CXCL13: variants seen among roughly 807,000 people sequenced by gnomAD.
CXCL13 encodes C-X-C motif chemokine ligand 13.
Under a neutral mutation model 12.2 loss-of-function variants are expected in CXCL13, and 7 were observed. The ratio of observed to expected loss-of-function variants is 0.57; its 90% confidence interval spans 0.33 to 1.07. The LOEUF is 1.07. Among genes scored for constraint, CXCL13 ranks in the 50% least tolerant of loss-of-function variants. CXCL13 has a pLI of 0.04. For synonymous variants in CXCL13, 47 were observed against 42.4 expected (o/e 1.11, Z -0.42); for missense variants, 113 against 127.4 (o/e 0.89, Z 0.55).
At chr4:77,554,837 AT>A (rs1427426266) in intron 1 of CXCL13, among the ~76,000 whole-genome samples, 5 of 152,122 alleles carry the variant, frequency 3.3e-5, no homozygotes, top group African/African-American at 9.6e-5. Context: ...ATCATGTATT[AT>A]AGATCATATC....
At chr4:77,609,438 G>A (rs1016164092) in intron 2 of CXCL13, among the ~76,000 whole-genome samples, 4 of 151,568 alleles carry the variant, frequency 2.6e-5, no homozygotes, top group South Asian at 2.1e-4. Context: ...TCAGCCTCCC[G>A]AGTAGCTGGG....
intron 1 of CXCL13, among the ~76,000 whole-genome samples, chr4:77,568,515 T>C (rs1725988710): frequency 6.6e-6 from 1 of 152,240 alleles, no homozygotes; most frequent in South Asian, 2.1e-4. Flanking sequence ...TCTTTTGCTA[T>C]TTGGGCAATT....
chr4:77,570,759 C>T (rs1000388260), intron 1 of CXCL13, among the ~76,000 whole-genome samples: 3 of 149,440 alleles, frequency 2.0e-5, no homozygotes, highest in South Asian at 4.1e-4. Flanking sequence ...ATAGTCAGAG[C>T]GGTCGGCCGG....
At chr4:77,512,299 C>CAGG (rs1724296258) in intron 1 of CXCL13, among the ~76,000 whole-genome samples, 1 of 152,148 alleles carries the variant, frequency 6.6e-6, no homozygotes, top group Non-Finnish European at 1.5e-5. Flanking sequence ...TTATAGAAGT[C>CAGG]AGGAAATGCA....
At chr4:77,588,158 T>C (rs1000548672) in intron 1 of CXCL13, among the ~76,000 whole-genome samples, 1 of 152,204 alleles carries the variant, frequency 6.6e-6, no homozygotes, top group African/African-American at 2.4e-5. Flanking sequence ...GCCTCTTTCA[T>C]TAAATATTAT....
In CXCL13 at chr4:77,611,666, T is replaced by A; in HGVS notation, c.*627T>A. On this transcript the variant is annotated 3_prime_UTR_variant, in exon 4 of 4. Coordinates refer to ENST00000682537, the MANE Select transcript of CXCL13 (RefSeq NM_001371558.1). ...CAGGGAAAGCATTTAAAGGGTGATG[T>A]ACACATGTATCCTTTCACACATTTG... The A allele has an allele frequency of 2.5e-6, 1 of 398,548 alleles. No homozygotes were observed. The allele number at this position is 398,548 out of a possible 1,614,324, so 24.7% of individuals were successfully genotyped here. A position where few individuals can be genotyped will look rare whatever the true frequency, so the allele number is the denominator to read the frequency against.
intron 1 of CXCL13, among the ~76,000 whole-genome samples, chr4:77,587,865 G>A (rs1230549871): frequency 2.0e-5 from 3 of 152,166 alleles, no homozygotes; most frequent in Non-Finnish European, 1.5e-5. Context: ...AGGGAATGGC[G>A]GCCATGGGGG....
At chr4:77,528,872 G>A (rs1232858575) in intron 1 of CXCL13, among the ~76,000 whole-genome samples, 1 of 152,168 alleles carries the variant, frequency 6.6e-6, no homozygotes, top group Non-Finnish European at 1.5e-5. Flanking sequence ...GTCCTAAATG[G>A]TATTGCCTAG....
intron 1 of CXCL13, among the ~76,000 whole-genome samples, chr4:77,524,341 G>A (rs1020477053): frequency 5.9e-5 from 9 of 152,196 alleles, no homozygotes; most frequent in Admixed American, 4.6e-4. Flanking sequence ...TACAGAGGTG[G>A]AGTCTATAGA....
Position 77,611,572 on chromosome 4 carries a change from G to C in CXCL13, c.*533G>C, listed in dbSNP as rs1009824231. 3 of 397,632 alleles carry C rather than the reference G, an allele frequency of 7.5e-6. No homozygotes were observed. The highest frequency in any genetic ancestry group is 8.9e-6 in the Non-Finnish European group (2 of 225,920). The allele number at this position is 397,632 out of a possible 1,614,324, so 24.6% of individuals were successfully genotyped here. A position where few individuals can be genotyped will look rare whatever the true frequency, so the allele number is the denominator to read the frequency against. On this transcript the variant is annotated 3_prime_UTR_variant, in exon 4 of 4. Transcript: ENST00000682537. Reference sequence around the variant, plus strand: ...AGGAGAATTAAGTCCTACTTTTAAAGAATTTCTTTATAAAATTTACTGTCT... The same window carrying C: ...AGGAGAATTAAGTCCTACTTTTAAACAATTTCTTTATAAAATTTACTGTCT...
chr4:77,611,229 A>G lies in CXCL13; in HGVS notation c.*190A>G. The G allele has an allele frequency of 2.1e-6, 1 of 474,130 alleles. No individual in the cohort carries two copies. Among genetic ancestry groups the G allele is most frequent in the East Asian group, 3.1e-5 (1 of 32,330 alleles). The allele number at this position is 474,130 out of a possible 1,614,324, so 29.4% of individuals were successfully genotyped here. The stretch of plus-strand genomic sequence containing the variant: ...CTTCTTCACTCACAGCACCCTATAT[A>G]CACTTGGAGTTTGCATTCTTATTCA... On this transcript the variant is annotated 3_prime_UTR_variant, in exon 4 of 4. Coordinates refer to ENST00000682537, the MANE Select transcript of CXCL13 (RefSeq NM_001371558.1).
At chr4:77,593,128 G>A (rs1376314285) in intron 1 of CXCL13, among the ~76,000 whole-genome samples, 4 of 151,920 alleles carry the variant, frequency 2.6e-5, no homozygotes, top group Admixed American at 1.3e-4. Context: ...TTCCCTCATC[G>A]ATTCTTCCCA....
At chr4:77,525,632 A>T (rs559887398) in intron 1 of CXCL13, among the ~76,000 whole-genome samples, 7 of 152,294 alleles carry the variant, frequency 4.6e-5, no homozygotes, top group African/African-American at 1.7e-4. Context: ...TTTTAAGAAA[A>T]GTGAACACAG....
At chr4:77,549,078 C>A (rs1204943892) in intron 1 of CXCL13, among the ~76,000 whole-genome samples, 1 of 152,176 alleles carries the variant, frequency 6.6e-6, no homozygotes, top group Non-Finnish European at 1.5e-5. Flanking sequence ...CACTTCATTT[C>A]ATACATTTGA....
intron 1 of CXCL13, among the ~76,000 whole-genome samples, chr4:77,551,286 C>T (rs1326057649): frequency 6.6e-6 from 1 of 150,784 alleles, no homozygotes; most frequent in African/African-American, 2.4e-5. Flanking sequence ...TTTAAAATTC[C>T]TTTGAGGCTC....
intron 1 of CXCL13, among the ~76,000 whole-genome samples, chr4:77,518,017 T>C (rs1375203460): frequency 6.6e-6 from 1 of 151,404 alleles, no homozygotes; most frequent in Admixed American, 6.5e-5. Flanking sequence ...TGACATTTGC[T>C]TGTCTGTAAA....
chr4:77,536,961 G>A (rs1055938726), intron 1 of CXCL13, among the ~76,000 whole-genome samples: 3 of 152,138 alleles, frequency 2.0e-5, no homozygotes, highest in African/African-American at 4.8e-5. Flanking sequence ...TATCTTTGAA[G>A]TAGGTCTATT....
At chr4:77,587,002 G>A (rs938980628) in intron 1 of CXCL13, among the ~76,000 whole-genome samples, 4 of 152,206 alleles carry the variant, frequency 2.6e-5, no homozygotes, top group Non-Finnish European at 5.9e-5. Context: ...GTGACAGATG[G>A]TGTGAAACCA....
intron 1 of CXCL13, among the ~76,000 whole-genome samples, chr4:77,527,370 TG>T (rs1724793864): frequency 6.6e-6 from 1 of 152,196 alleles, no homozygotes; most frequent in African/African-American, 2.4e-5. Context: ...CAGTGACTCA[TG>T]CCTGTTTCCC....
Sources: allele counts gnomAD v4.1 joint callset (sites outside exome capture counted in the v4.1 genomes callset), GRCh38; gene constraint gnomAD v4.1.1; transcripts MANE v1.5; gene names NCBI Gene and HGNC (gene_info 2026-07-23, HGNC 2026-07-21).